Variants in EHD4 observed in about 807,000 individuals in gnomAD.
EHD4 encodes EH domain containing 4.
EHD4 carries 37 observed loss-of-function variants against 51.0 expected under a neutral mutation model. The observed-to-expected ratio is 0.73, with a 90% CI of 0.56 to 0.95. EHD4 has a LOEUF of 0.95. EHD4 is among the 40% of genes least tolerant of loss of function. The pLI is 0.00. For synonymous variants in EHD4, 297 were observed against 317.3 expected, an observed-to-expected ratio of 0.94 and a Z score of 0.68; for missense variants, 632 against 733.1, an observed-to-expected ratio of 0.86 and a Z score of 1.59.
intron 5 of EHD4, among the ~76,000 whole-genome samples, chr15:41,906,565 C>T (rs2067513327): frequency 6.6e-6 from 1 of 152,248 alleles, no homozygotes; most frequent in African/African-American, 2.4e-5. Flanking sequence ...CTGCCCTCAC[C>T]ATTGCAGGGT....
chr15:41,905,077 A>G (rs1033314593), intron 5 of EHD4, among the ~76,000 whole-genome samples: 18 of 152,218 alleles, frequency 1.2e-4, no homozygotes, highest in African/African-American at 3.9e-4. Flanking sequence ...GGTCACTTCT[A>G]AGCGTATGTC....
At chr15:41,919,938 C>T (rs182940911) in intron 3 of EHD4, among the ~76,000 whole-genome samples, 31 of 152,324 alleles carry the variant, frequency 2.0e-4, no homozygotes, top group African/African-American at 7.2e-4. Flanking sequence ...AGACCTTTTG[C>T]TTGATGGCAG....
intron 1 of EHD4, among the ~76,000 whole-genome samples, chr15:41,956,976 G>C (rs1331215710): frequency 6.6e-6 from 1 of 152,202 alleles, no homozygotes; most frequent in East Asian, 1.9e-4. Context: ...ATGTTGGTGG[G>C]GGAATAAGTT....
rs141136724 is a variant in EHD4 at position 41,950,573 on chromosome 15, T to C, written c.413+3191A>G. On this transcript the variant is annotated intron_variant, in intron 2 of 5. Coordinates refer to ENST00000220325, the MANE Select transcript of EHD4 (RefSeq NM_139265.4). ...ACACATATTTGAACGCCCTAACTAATTGACTCTTTCTTAAATAACTGCTGT... is the reference window on the plus strand; with the variant it reads ...ACACATATTTGAACGCCCTAACTAACTGACTCTTTCTTAAATAACTGCTGT... Among the ~76,000 whole-genome samples, 98 of 152,292 alleles carry C rather than the reference T, an allele frequency of 6.4e-4. 1 individual carries two copies. In the East Asian group the frequency reaches 0.014, roughly 22 times the overall value.
rs116817527 is a variant in EHD4 at position 41,923,273 on chromosome 15, C to T, written c.512-3651G>A. ...GCCCGGCTTCTTTCACTCAGCACAA[C>T]GTCCTCAAGGTCCATCTGTGGTGTA... On this transcript the variant is annotated intron_variant, in intron 3 of 5. Transcript: ENST00000220325. 6.1e-3 allele frequency among the ~76,000 whole-genome samples: 933 copies of T among 152,284 alleles called. 8 individuals are homozygous for T. The highest frequency in any genetic ancestry group is 0.021 in the African/African-American group (887 of 41,552).
chr15:41,945,658 C>T (rs979147548), intron 2 of EHD4, among the ~76,000 whole-genome samples: 7 of 152,226 alleles, frequency 4.6e-5, no homozygotes, highest in Admixed American at 3.9e-4. Context: ...TGTGGTGCCA[C>T]GCTCATGCTG....
At chr15:41,915,097 C>G (rs531531837) in intron 4 of EHD4, among the ~76,000 whole-genome samples, 1 of 152,236 alleles carries the variant, frequency 6.6e-6, no homozygotes, top group South Asian at 2.1e-4. Flanking sequence ...CACACACACA[C>G]ACACACACAC....
intron 1 of EHD4, among the ~76,000 whole-genome samples, chr15:41,964,773 A>ATT (rs1491487941): frequency 0.044 from 5,792 of 130,722 alleles, 387 homozygotes; most frequent in African/African-American, 0.16. Flanking sequence ...AAAAAAAAAA[A>ATT]TATATATATA....
Position 41,896,146 on chromosome 15 carries a change from AT to A in EHD4, c.*4498del, listed in dbSNP as rs1425146524. 5 of 152,106 alleles carry A rather than the reference AT, an allele frequency of 3.3e-5. No homozygotes were observed. The highest frequency in any genetic ancestry group is 2.6e-4 in the Admixed American group (4 of 15,266). The allele number at this position is 152,106 out of a possible 1,614,324, so 9.4% of individuals were successfully genotyped here. On this transcript the variant is annotated 3_prime_UTR_variant, in exon 6 of 6. Coordinates refer to ENST00000220325, the MANE Select transcript of EHD4 (RefSeq NM_139265.4). ...GCATTGGCCCACACAGTGGAAAAAA[AT>A]ATCTAGTAGGAATAGGAAGGACTTC...
In EHD4 at chr15:41,954,812, T is replaced by A. The variant is rs543612671; in HGVS notation, c.237-872A>T. 1.1e-4 allele frequency among the ~76,000 whole-genome samples: 17 copies of A among 152,258 alleles called. 1 individual carries two copies. In the South Asian group the frequency reaches 3.5e-3, roughly 32 times the overall value. On this transcript the variant is annotated intron_variant, in intron 1 of 5. Coordinates refer to ENST00000220325, the MANE Select transcript of EHD4 (RefSeq NM_139265.4). ...GCCACCATGCCTAGCTAATTTTTTGTAGAAACAGGGTTTCACCATGTTGCC... is the reference window on the plus strand; with the variant it reads ...GCCACCATGCCTAGCTAATTTTTTGAAGAAACAGGGTTTCACCATGTTGCC...
intron 5 of EHD4, among the ~76,000 whole-genome samples, chr15:41,901,603 G>A (rs1476159458): frequency 6.6e-6 from 1 of 152,216 alleles, no homozygotes; most frequent in Non-Finnish European, 1.5e-5. Context: ...GGGGCTGTCT[G>A]GCAGAGTCAA....
At chr15:41,923,914 T>G (rs1293781218) in intron 3 of EHD4, among the ~76,000 whole-genome samples, 2 of 152,216 alleles carry the variant, frequency 1.3e-5, no homozygotes, top group Non-Finnish European at 2.9e-5. Context: ...CCTTCCTCTA[T>G]GGTCTAGACT....
At chr15:41,959,387 C>G (rs1006635814) in intron 1 of EHD4, among the ~76,000 whole-genome samples, 4 of 87,136 alleles carry the variant, frequency 4.6e-5, no homozygotes, top group Non-Finnish European at 6.0e-5. Flanking sequence ...CAGAGCAAGA[C>G]TTTGTCTCAA....
chr15:41,959,395 CAAAAAAAAAA>C lies in EHD4; in HGVS notation c.237-5465_237-5456del, dbSNP rs36120701. On this transcript the variant is annotated intron_variant, in intron 1 of 5. Coordinates refer to ENST00000220325, the MANE Select transcript of EHD4 (RefSeq NM_139265.4). ...TGGGTGACAGAGCAAGACTTTGTCTCAAAAAAAAAAAAAAAAAAAAAAAAAAAAGAAATGG... is the reference window on the plus strand; with the variant it reads ...TGGGTGACAGAGCAAGACTTTGTCTCAAAAAAAAAAAAAAAAAAGAAATGG... 5.6e-3 allele frequency among the ~76,000 whole-genome samples: 374 copies of C among 66,456 alleles called. 1 individual carries two copies. Among genetic ancestry groups the C allele is most frequent in the Middle Eastern group, 0.018 (2 of 110 alleles). 43.6% of individuals were successfully genotyped at this position (66,456 alleles called of 152,430 possible). A position where few individuals can be genotyped will look rare whatever the true frequency, so the allele number is the denominator to read the frequency against.
chr15:41,970,422 G>A (rs1005629303), intron 1 of EHD4, among the ~76,000 whole-genome samples: 2 of 152,164 alleles, frequency 1.3e-5, no homozygotes, highest in African/African-American at 4.8e-5. Flanking sequence ...GTAGCTGCCA[G>A]GAATCAAATC....
In EHD4 at chr15:41,972,538, G is replaced by A. The variant is rs752846838; in HGVS notation, c.-44C>T. 1.4e-6 allele frequency: 2 copies of A among 1,441,998 alleles called. No homozygotes were observed. The highest frequency in any genetic ancestry group is 1.8e-6 in the Non-Finnish European group (2 of 1,102,974). 89.3% of individuals were successfully genotyped at this position (1,441,998 alleles called of 1,614,324 possible). ...TCGGATGGGACCCTGCTCCGGGTTCGACTCTCCCCGGCTCGCACTGAGCCG... is the reference window on the plus strand; with the variant it reads ...TCGGATGGGACCCTGCTCCGGGTTCAACTCTCCCCGGCTCGCACTGAGCCG... On this transcript the variant is annotated 5_prime_UTR_variant, in exon 1 of 6. Coordinates refer to ENST00000220325, the MANE Select transcript of EHD4 (RefSeq NM_139265.4).
chr15:41,931,962 G>A (rs142443159), intron 3 of EHD4, among the ~76,000 whole-genome samples: 13 of 151,510 alleles, frequency 8.6e-5, no homozygotes, highest in East Asian at 7.8e-4. Context: ...GGTGTGAGCC[G>A]CCGCGCCCAG....
At chr15:41,907,678 C>T (rs2067521263) in intron 5 of EHD4, among the ~76,000 whole-genome samples, 1 of 151,956 alleles carries the variant, frequency 6.6e-6, no homozygotes, top group African/African-American at 2.4e-5. Context: ...CACCACCACA[C>T]CTGGCCAATT....
At chr15:41,950,230 C>T (rs574836663) in intron 2 of EHD4, among the ~76,000 whole-genome samples, 5 of 152,342 alleles carry the variant, frequency 3.3e-5, no homozygotes, top group African/African-American at 1.2e-4. Context: ...GGCTGTGACT[C>T]GGGCTTTGCT....
Sources: gnomAD v4.1 joint callset for allele counts (sites outside exome capture counted in the v4.1 genomes callset) on GRCh38, gnomAD v4.1.1 for gene constraint, MANE v1.5 for transcripts, NCBI Gene and HGNC (gene_info 2026-07-23, HGNC 2026-07-21) for gene names.